KCTD20: variants seen among roughly 807,000 people sequenced by gnomAD.
KCTD20 encodes BTB/POZ domain-containing protein KCTD20.
A neutral mutation model predicts 39.6 loss-of-function variants in KCTD20; 30 were observed. The observed-to-expected ratio is 0.76, with a 90% confidence interval of 0.57 to 1.03. KCTD20 has a LOEUF of 1.03. Among genes scored for constraint, KCTD20 ranks in the 50% least tolerant of loss-of-function variants. The pLI, the probability that KCTD20 is intolerant of heterozygous loss-of-function variation, is 0.00. For missense variants in KCTD20, 422 were observed against 522.0 expected, an observed-to-expected ratio of 0.81 and a Z score of 1.87; for synonymous variants, 162 against 180.6, an observed-to-expected ratio of 0.90 and a Z score of 0.83.
At chr6:36,468,689 T>G (rs1775829057) in intron 1 of KCTD20, among the ~76,000 whole-genome samples, 1 of 152,334 alleles carries the variant, frequency 6.6e-6, no homozygotes, top group South Asian at 2.1e-4. Flanking sequence ...TGGCTGCATT[T>G]TCATAATATA....
chr6:36,485,127 CG>C, intron 7 of KCTD20, among the ~76,000 whole-genome samples: 1 of 152,092 alleles, frequency 6.6e-6, no homozygotes, highest in Non-Finnish European at 1.5e-5. Context: ...ATGAGAGCGT[CG>C]TTCTGCCACC....
chr6:36,474,732 T>C (rs1776011752), intron 2 of KCTD20, 57 bp from the exon 3 acceptor site: 1 of 1,455,564 alleles, frequency 6.9e-7, no homozygotes, highest in Non-Finnish European at 9.2e-7. Flanking sequence ...CAGGGTTTAT[T>C]TTTCTCTCAA....
intron 1 of KCTD20, among the ~76,000 whole-genome samples, chr6:36,467,652 A>G (rs955933303): frequency 6.6e-6 from 1 of 151,950 alleles, no homozygotes; most frequent in African/African-American, 2.4e-5. Flanking sequence ...GATTTCTTGA[A>G]AAAAGAAATT....
chr6:36,465,636 A>G (rs1001986537), intron 1 of KCTD20: 1 of 152,196 alleles, frequency 6.6e-6, no homozygotes, highest in Non-Finnish European at 1.5e-5. Flanking sequence ...CCACTATCAA[A>G]GACTGTATAT....
intron 6 of KCTD20, among the ~76,000 whole-genome samples, chr6:36,482,201 C>T (rs1254116559): frequency 6.6e-6 from 1 of 152,156 alleles, no homozygotes; most frequent in Non-Finnish European, 1.5e-5. Flanking sequence ...TTGTTTTCTC[C>T]TCCTTTTTCA....
At chr6:36,483,834 T>TA (rs1262249515) in intron 6 of KCTD20, among the ~76,000 whole-genome samples, 7 of 152,026 alleles carry the variant, frequency 4.6e-5, no homozygotes, top group Non-Finnish European at 1.0e-4. Context: ...ACAGTGTTTT[T>TA]AAAACTTTTA....
intron 1 of KCTD20, among the ~76,000 whole-genome samples, chr6:36,447,866 C>T (rs1775097287): frequency 6.6e-6 from 1 of 151,338 alleles, no homozygotes; most frequent in Non-Finnish European, 1.5e-5. Flanking sequence ...TGGTGTGCGC[C>T]TTTAATCCTA....
At chr6:36,467,424 C>T (rs1323969809) in intron 1 of KCTD20, among the ~76,000 whole-genome samples, 1 of 135,700 alleles carries the variant, frequency 7.4e-6, no homozygotes, top group East Asian at 2.4e-4. Flanking sequence ...CTGCAACCTC[C>T]ACCTCCCAGG....
At position 36,469,058 on chromosome 6, in the gene KCTD20, C is replaced by G. The variant is rs139910199; in HGVS notation, c.-46-994C>G. On this transcript the variant is annotated intron_variant, in intron 1 of 7. Transcript: ENST00000373731. The surrounding 1 kb of genome is among the most constrained non-coding windows in gnomAD (Gnocchi z 4.6). ...GATGTTTATTGGCACCTACCACATG[C>G]TTGGTATGCCAGGAAATTCAGAGTA... Among the ~76,000 whole-genome samples, 99 of 152,294 alleles carry G rather than the reference C, an allele frequency of 6.5e-4. No individual in the cohort carries two copies. The highest frequency in any genetic ancestry group is 1.2e-3 in the Non-Finnish European group (80 of 68,020).
intron 1 of KCTD20, chr6:36,465,657 A>G (rs1775729395): frequency 6.6e-6 from 1 of 152,212 alleles, no homozygotes; most frequent in African/African-American, 2.4e-5. Flanking sequence ...ACATTTTCCA[A>G]GATGGGGAGA....
intron 1 of KCTD20, among the ~76,000 whole-genome samples, chr6:36,463,328 T>C (rs1239179407): frequency 6.6e-6 from 1 of 152,182 alleles, no homozygotes; most frequent in African/African-American, 2.4e-5. Flanking sequence ...TGAACTCCCA[T>C]GGAGTGATTT....
chr6:36,484,968 T>C, intron 7 of KCTD20, 144 bp downstream of exon 7: 3 of 590,014 alleles, frequency 5.1e-6, no homozygotes, highest in Admixed American at 6.1e-5. Context: ...GTTCCTGTTT[T>C]TTCCTCATTT....
chr6:36,452,363 G>T, intron 1 of KCTD20, among the ~76,000 whole-genome samples: 1 of 152,026 alleles, frequency 6.6e-6, no homozygotes, highest in Non-Finnish European at 1.5e-5. Context: ...ATAGGACTTT[G>T]CAGATTTTCT....
At chr6:36,481,370 G>A (rs144520496) in intron 5 of KCTD20, among the ~76,000 whole-genome samples, 192 bp from the exon 6 acceptor site, 1 of 152,318 alleles carries the variant, frequency 6.6e-6, no homozygotes, top group East Asian at 1.9e-4. Context: ...AAATTGAAGA[G>A]TGGTAGAATA....
intron 5 of KCTD20, 94 bp from the exon 6 acceptor site, chr6:36,481,468 T>G: frequency 3.3e-6 from 3 of 904,616 alleles, no homozygotes; most frequent in Non-Finnish European, 5.5e-6. Flanking sequence ...CTGAACCTCA[T>G]CAATGATAAC....
At chr6:36,478,995 T>C (rs1776154005) in intron 3 of KCTD20, 126 bp from the exon 4 acceptor site, 1 of 645,080 alleles carries the variant, frequency 1.6e-6, no homozygotes, top group Admixed American at 2.8e-5. Context: ...GTTCCAGTGC[T>C]GTGTTTTTAA....
intron 6 of KCTD20, among the ~76,000 whole-genome samples, chr6:36,482,489 GT>G (rs1776280680): frequency 6.6e-6 from 1 of 152,190 alleles, no homozygotes; most frequent in Non-Finnish European, 1.5e-5. Flanking sequence ...GGAGGCGGCG[GT>G]TGCAGTGAGC....
intron 2 of KCTD20, among the ~76,000 whole-genome samples, chr6:36,471,373 G>T (rs553365181): frequency 7.9e-5 from 12 of 152,194 alleles, no homozygotes; most frequent in African/African-American, 2.9e-4. Context: ...ACCTGTTTTT[G>T]TAAATAAAAT....
intron 1 of KCTD20, chr6:36,452,429 C>G (rs1449771470): frequency 6.6e-6 from 1 of 151,660 alleles, no homozygotes; most frequent in Admixed American, 6.6e-5. Context: ...TCTGCAAATT[C>G]TAATTTACTG....
Sources: gnomAD v4.1 joint callset for allele counts (sites outside exome capture counted in the v4.1 genomes callset) on GRCh38, gnomAD v4.1.1 for gene constraint, Gnocchi (gnomAD v3.1) non-coding constraint, MANE v1.5 for transcripts, NCBI Gene and HGNC (gene_info 2026-07-23, HGNC 2026-07-21) for gene names.